RGL1: variants seen among roughly 807,000 people sequenced by gnomAD.
RGL1 encodes ral guanine nucleotide dissociation stimulator like 1.
In RGL1, 24 loss-of-function variants were observed where a neutral mutation model predicts 95.2. The ratio of observed to expected loss-of-function variants is 0.25; its 90% confidence interval spans 0.18 to 0.35. The LOEUF is 0.35. RGL1 is among the 10% of genes least tolerant of loss of function. The pLI is 1.00. For missense variants in RGL1, 715 were observed against 936.3 expected, an observed-to-expected ratio of 0.76 and a Z score of 3.08; for synonymous variants, 329 against 344.9, an observed-to-expected ratio of 0.95 and a Z score of 0.51.
Position 183,921,805 on chromosome 1 carries a change from C to T in RGL1, c.2005-417C>T, listed in dbSNP as rs117880448. Among the ~76,000 whole-genome samples, 262 of 152,272 alleles carry T rather than the reference C, an allele frequency of 1.7e-3. 1 individual carries two copies. The East Asian group carries it at 0.021, about 12-fold the overall frequency. On this transcript the variant is annotated intron_variant, in intron 16 of 17. Transcript: ENST00000360851. ...TTGAAATGGTCAATGGGCAGAACTG[C>T]GACCATTTTTATCCCGTGGGTTGTA...
At chr1:183,866,194 A>G in intron 4 of RGL1, 121 bp downstream of exon 4, 1 of 744,444 alleles carries the variant, frequency 1.3e-6, no homozygotes, top group Non-Finnish European at 2.2e-6. Flanking sequence ...GTGCATACAG[A>G]GGCTTATTTT....
At chr1:183,864,318 C>CA (rs1165784442) in intron 3 of RGL1, among the ~76,000 whole-genome samples, 3 of 152,058 alleles carry the variant, frequency 2.0e-5, no homozygotes, top group African/African-American at 7.2e-5. Context: ...TGGAATGTAA[C>CA]AAAAACAAAG....
At position 183,644,895 on chromosome 1, in the gene RGL1, C is replaced by G. The variant is rs116772908; in HGVS notation, c.-33+8394C>G. ...TTGTAGCTTGATGAAACATAGAAAA[C>G]GGATTTCTAGTCACATAGAAAATCG... On this transcript the variant is annotated intron_variant, in intron 1 of 18. Coordinates refer to the RGL1 transcript ENST00000304685. Among the ~76,000 whole-genome samples, 868 of 152,126 alleles carry G rather than the reference C, an allele frequency of 5.7e-3. 7 individuals are homozygous for G. Among genetic ancestry groups the G allele is most frequent in the African/African-American group, 0.019 (801 of 41,504 alleles).
chr1:183,859,679 G>A (rs1194727652), intron 3 of RGL1, among the ~76,000 whole-genome samples: 2 of 152,162 alleles, frequency 1.3e-5, no homozygotes, highest in African/African-American at 2.4e-5. Flanking sequence ...GGGAAAAATG[G>A]CCTAGAGAAC....
intron 2 of RGL1, among the ~76,000 whole-genome samples, chr1:183,811,562 T>G (rs972628558): frequency 2.6e-5 from 4 of 152,328 alleles, no homozygotes; most frequent in Admixed American, 2.6e-4. Flanking sequence ...TATTTTTAAT[T>G]TTGACCTTAG....
chr1:183,829,875 A>G (rs2500119), intron 2 of RGL1, among the ~76,000 whole-genome samples: 31,927 of 151,946 alleles, frequency 0.21, 3,511 homozygotes, highest in East Asian at 0.31. Flanking sequence ...AATTTATCTT[A>G]TATCTAAGAC....
At chr1:183,837,621 A>G (rs1663759051) in intron 2 of RGL1, among the ~76,000 whole-genome samples, 1 of 152,170 alleles carries the variant, frequency 6.6e-6, no homozygotes, top group Admixed American at 6.5e-5. Flanking sequence ...TAAAGTAGGT[A>G]ACGAAGTCAT....
At chr1:183,763,605 T>C (rs555788839) in intron 2 of RGL1, among the ~76,000 whole-genome samples, 1 of 152,134 alleles carries the variant, frequency 6.6e-6, no homozygotes, top group South Asian at 2.1e-4. Flanking sequence ...ATAGAGAAAA[T>C]GTGTAGAGGG....
chr1:183,912,288 C>G lies in RGL1; in HGVS notation c.1749+20C>G, dbSNP rs1447410260. On this transcript the variant is annotated intron_variant, in intron 15 of 17. Coordinates refer to ENST00000360851, the MANE Select transcript of RGL1 (RefSeq NM_001297671.3). ...AAAAAGGTATATACTCAACCCTTCTCATAATTCCTAATGCAGGCACCTACA... is the reference window on the plus strand; with the variant it reads ...AAAAAGGTATATACTCAACCCTTCTGATAATTCCTAATGCAGGCACCTACA... 1 of 1,601,380 alleles carries G rather than the reference C, an allele frequency of 6.2e-7. No homozygotes were observed. Among genetic ancestry groups the G allele is most frequent in the Admixed American group, 1.7e-5 (1 of 59,170 alleles).
At chr1:183,775,197 A>G (rs993004131) in intron 2 of RGL1, among the ~76,000 whole-genome samples, 2 of 152,216 alleles carry the variant, frequency 1.3e-5, no homozygotes, top group Non-Finnish European at 2.9e-5. Context: ...GCTGTGAGCA[A>G]CAGAATCTAG....
chr1:183,883,549 C>T (rs1666938880), intron 5 of RGL1, among the ~76,000 whole-genome samples: 1 of 152,108 alleles, frequency 6.6e-6, no homozygotes, highest in Non-Finnish European at 1.5e-5. Context: ...GGCCTAGGAG[C>T]CAGTGATTTG....
intron 1 of RGL1, among the ~76,000 whole-genome samples, chr1:183,668,937 T>TTC (rs1325402378): frequency 2.8e-5 from 4 of 143,220 alleles, no homozygotes; most frequent in African/African-American, 7.6e-5. Flanking sequence ...TGGACTTTCT[T>TTC]TTCTTTTTTT....
intron 2 of RGL1, among the ~76,000 whole-genome samples, chr1:183,840,225 C>A (rs1385909011): frequency 6.6e-6 from 1 of 152,150 alleles, no homozygotes; most frequent in Non-Finnish European, 1.5e-5. Flanking sequence ...TTATGGTCAG[C>A]TTCTAAACAA....
rs1366847788 is a variant in RGL1 at position 183,794,061 on chromosome 1, C to CACACACAA, written c.133-12307_133-12306insAACACACA. On this transcript the variant is annotated intron_variant, in intron 2 of 18. Transcript: ENST00000304685. Reference sequence around the variant, plus strand: ...AATGGGTAAAGAAAATGTGGACACACACACACACACACACACACACACACA... The same window carrying CACACACAA: ...AATGGGTAAAGAAAATGTGGACACACACACACAAACACACACACACACACACACACACA... Among the ~76,000 whole-genome samples, 449 of 92,236 alleles carry CACACACAA rather than the reference C, an allele frequency of 4.9e-3. 2 individuals carry two copies. The highest frequency in any genetic ancestry group is 0.026 in the African/African-American group (415 of 16,156). The allele number at this position is 92,236 out of a possible 152,430, so 60.5% of individuals were successfully genotyped here.
chr1:183,734,817 C>G (rs950836575), intron 1 of RGL1, among the ~76,000 whole-genome samples: 2 of 152,204 alleles, frequency 1.3e-5, no homozygotes, highest in African/African-American at 4.8e-5. Context: ...CTCTATCTCT[C>G]TTAGAATGCT....
chr1:183,802,782 G>C (rs970004241), upstream of RGL1, among the ~76,000 whole-genome samples: 6 of 152,140 alleles, frequency 3.9e-5, no homozygotes, highest in Admixed American at 3.3e-4. Flanking sequence ...CCAAAGAGAT[G>C]CAAGTCTTGC....
In RGL1 at chr1:183,911,481, T is replaced by C. The variant is rs568747444; in HGVS notation, c.1563-601T>C. ...AACCCATATCACTATTTTGCCAAGA[T>C]TGGGGCCTCCCACTCCCCCACCAGA... On this transcript the variant is annotated intron_variant, in intron 14 of 17. Transcript: ENST00000360851. 5.9e-5 allele frequency among the ~76,000 whole-genome samples: 9 copies of C among 152,318 alleles called. No individual in the cohort carries two copies. The South Asian group carries it at 6.2e-4, about 11-fold the overall frequency.
intron 2 of RGL1, among the ~76,000 whole-genome samples, chr1:183,768,556 C>T (rs1004774599): frequency 7.0e-6 from 1 of 142,030 alleles, no homozygotes; most frequent in Non-Finnish European, 1.5e-5. Flanking sequence ...GCAGCCTTGA[C>T]CTCCTGGACT....
chr1:183,637,601 T>A (rs1383802073), intron 1 of RGL1, among the ~76,000 whole-genome samples: 1 of 152,098 alleles, frequency 6.6e-6, no homozygotes. Flanking sequence ...AAATAGAGAG[T>A]GGGAGAGAGA....
Sources: allele counts gnomAD v4.1 joint callset (sites outside exome capture counted in the v4.1 genomes callset), GRCh38; gene constraint gnomAD v4.1.1; transcripts MANE v1.5; gene names NCBI Gene and HGNC (gene_info 2026-07-23, HGNC 2026-07-21).